TNR: variants seen among roughly 807,000 people sequenced by gnomAD.
The protein encoded by TNR is tenascin R.
Under a neutral mutation model 150.4 loss-of-function variants are expected in TNR, and 45 were observed. That is an observed-to-expected ratio of 0.30 (90% CI 0.24 to 0.38). TNR has a LOEUF of 0.38. Ranked by LOEUF, TNR falls within the 10% of genes least tolerant of loss-of-function variation. The pLI, the probability that TNR is intolerant of heterozygous loss-of-function variation, is 1.00. For synonymous variants in TNR, 687 were observed against 678.4 expected (o/e 1.01, Z -0.20); for missense variants, 1,544 against 1,759.1 (o/e 0.88, Z 2.19).
intron 2 of TNR, among the ~76,000 whole-genome samples, chr1:175,432,404 A>G (rs1388487063): frequency 1.3e-5 from 2 of 152,184 alleles, no homozygotes; most frequent in Non-Finnish European, 2.9e-5. Context: ...TCAGCTCCAG[A>G]ACCAGGAATC....
intron 1 of TNR, among the ~76,000 whole-genome samples, chr1:175,537,570 C>T (rs1306558999): frequency 6.6e-6 from 1 of 152,200 alleles, no homozygotes; most frequent in African/African-American, 2.4e-5. Flanking sequence ...CATCTCAGAA[C>T]AAGTTCAATT....
chr1:175,521,354 C>G (rs1659631985), intron 2 of TNR, among the ~76,000 whole-genome samples: 1 of 152,204 alleles, frequency 6.6e-6, no homozygotes, highest in East Asian at 1.9e-4. Flanking sequence ...TCAATGGTCA[C>G]TCTGAAGGGT....
chr1:175,642,847 C>G (rs1052829813), intron 1 of TNR, among the ~76,000 whole-genome samples: 1 of 152,192 alleles, frequency 6.6e-6, no homozygotes, highest in Non-Finnish European at 1.5e-5. Context: ...AGGAGGATCA[C>G]TTGAGCCCAG....
intron 1 of TNR, among the ~76,000 whole-genome samples, chr1:175,712,088 T>C (rs373719665): frequency 5.3e-5 from 8 of 152,302 alleles, no homozygotes; most frequent in Admixed American, 3.3e-4. Flanking sequence ...CCATCATCTC[T>C]ACCCCACTAT....
At chr1:175,561,291 T>C (rs1014384862) in intron 1 of TNR, among the ~76,000 whole-genome samples, 3 of 152,226 alleles carry the variant, frequency 2.0e-5, no homozygotes, top group Non-Finnish European at 2.9e-5. Context: ...ACCTCATTTC[T>C]CTCCTATCTC....
At chr1:175,731,199 G>C (rs1426505232) in intron 1 of TNR, among the ~76,000 whole-genome samples, 1 of 152,124 alleles carries the variant, frequency 6.6e-6, no homozygotes, top group Admixed American at 6.5e-5. Flanking sequence ...TGACCTTCGT[G>C]ATTTCAATCA....
chr1:175,498,772 G>C (rs919012311), intron 2 of TNR, among the ~76,000 whole-genome samples: 6 of 152,190 alleles, frequency 3.9e-5, no homozygotes, highest in African/African-American at 1.4e-4. Flanking sequence ...CGATATAAAA[G>C]TCATCCCCTG....
intron 1 of TNR, among the ~76,000 whole-genome samples, chr1:175,639,922 C>A (rs992457819): frequency 6.6e-6 from 1 of 152,170 alleles, no homozygotes; most frequent in African/African-American, 2.4e-5. Context: ...TCCTCCTTGT[C>A]TTGCTTATTT....
chr1:175,446,182 A>T (rs1215812219), intron 2 of TNR, among the ~76,000 whole-genome samples: 1 of 152,210 alleles, frequency 6.6e-6, no homozygotes, highest in Non-Finnish European at 1.5e-5. Context: ...ATATGTTGAC[A>T]CAAACGAAGT....
intron 1 of TNR, among the ~76,000 whole-genome samples, chr1:175,735,794 C>CAAGT (rs1274576426): frequency 6.6e-6 from 1 of 152,072 alleles, no homozygotes; most frequent in African/African-American, 2.4e-5. Context: ...AAAGGAAACC[C>CAAGT]AAGTGTTCAT....
chr1:175,545,408 AAT>A (rs764434342), intron 1 of TNR, among the ~76,000 whole-genome samples: 1 of 115,690 alleles, frequency 8.6e-6, no homozygotes, highest in Non-Finnish European at 2.0e-5. Context: ...AAAAGAAAGA[AAT>A]ATATAGAGAG....
intron 1 of TNR, among the ~76,000 whole-genome samples, chr1:175,708,759 C>T (rs962710798): frequency 6.6e-6 from 1 of 152,142 alleles, no homozygotes; most frequent in African/African-American, 2.4e-5. Context: ...ATCTTACAGC[C>T]ACCAACCAAC....
chr1:175,568,344 T>C (rs1661724268), intron 1 of TNR, among the ~76,000 whole-genome samples: 1 of 152,184 alleles, frequency 6.6e-6, no homozygotes, highest in African/African-American at 2.4e-5. Context: ...AGCTAGTTTC[T>C]ACCTGTTTCA....
In TNR at chr1:175,403,627, C is replaced by A; in HGVS notation, c.500-11G>T. The stretch of plus-strand genomic sequence containing the variant: ...TATAGTCCAGTTGTCCTGGAATGGT[C>A]AAGGAGAAGGTCAAAGAGCAGCAGT... On this transcript the variant is annotated splice_polypyrimidine_tract_variant and intron_variant, in intron 3 of 22. Transcript: ENST00000367674. 2 of 1,601,060 alleles carry A rather than the reference C, an allele frequency of 1.2e-6. No homozygotes were observed. The highest frequency in any genetic ancestry group is 2.2e-5 in the South Asian group (2 of 89,362).
At chr1:175,464,561 G>A (rs1192489805) in intron 2 of TNR, among the ~76,000 whole-genome samples, 2 of 152,146 alleles carry the variant, frequency 1.3e-5, no homozygotes, top group East Asian at 1.9e-4. Context: ...TCAGGCACCC[G>A]GGAAATTGCT....
intron 1 of TNR, among the ~76,000 whole-genome samples, chr1:175,724,430 G>A (rs1299450118): frequency 6.6e-6 from 1 of 152,076 alleles, no homozygotes; most frequent in African/African-American, 2.4e-5. Flanking sequence ...GTACCAAGGG[G>A]GATGGTGCTA....
intron 2 of TNR, among the ~76,000 whole-genome samples, chr1:175,487,172 G>T (rs940392077): frequency 5.3e-5 from 8 of 152,072 alleles, no homozygotes; most frequent in African/African-American, 1.2e-4. Flanking sequence ...CATTGCTTTT[G>T]GTGTTTTAGT....
chr1:175,324,278 G>A lies in TNR; in HGVS notation c.3957+78C>T. ...AAAGGGAAATGAAGGACTCACATGTGCTTTTAAAATATAAAGCTAAGGGAG... is the reference window on the plus strand; with the variant it reads ...AAAGGGAAATGAAGGACTCACATGTACTTTTAAAATATAAAGCTAAGGGAG... On this transcript the variant is annotated intron_variant, in intron 22 of 22. Coordinates refer to ENST00000367674, the MANE Select transcript of TNR (RefSeq NM_003285.3). The A allele has an allele frequency of 5.5e-6, 8 of 1,453,264 alleles. 1 individual carries two copies. The highest frequency in any genetic ancestry group is 6.5e-6 in the Non-Finnish European group (7 of 1,081,848). 90.0% of individuals were successfully genotyped at this position (1,453,264 alleles called of 1,614,324 possible). A position where few individuals can be genotyped will look rare whatever the true frequency, so the allele number is the denominator to read the frequency against.
chr1:175,710,727 T>A (rs1666987553), intron 1 of TNR, among the ~76,000 whole-genome samples: 1 of 152,206 alleles, frequency 6.6e-6, no homozygotes, highest in African/African-American at 2.4e-5. Flanking sequence ...TGCAACAGTC[T>A]GGTCTCAGGA....
Sources: gnomAD v4.1 joint callset for allele counts (sites outside exome capture counted in the v4.1 genomes callset) on GRCh38, gnomAD v4.1.1 for gene constraint, MANE v1.5 for transcripts, NCBI Gene and HGNC (gene_info 2026-07-23, HGNC 2026-07-21) for gene names.